The following AMOTL1 variants were observed in gnomAD, a reference collection of about 807,000 sequenced individuals.
The protein encoded by AMOTL1 is angiomotin-like protein 1.
Under a neutral mutation model 102.9 loss-of-function variants are expected in AMOTL1, and 45 were observed. That is an observed-to-expected ratio of 0.44 (90% confidence interval 0.34 to 0.56). The LOEUF is 0.56. AMOTL1 is among the 20% of genes least tolerant of loss of function. The pLI is 0.01. For synonymous variants in AMOTL1, 481 were observed against 484.7 expected (o/e 0.99, Z 0.10); for missense variants, 1,114 against 1,225.6 (o/e 0.91, Z 1.36).
intron 1 of AMOTL1, among the ~76,000 whole-genome samples, chr11:94,716,827 A>G (rs1288221309): frequency 6.6e-6 from 1 of 152,110 alleles, no homozygotes; most frequent in East Asian, 1.9e-4. Context: ...GACACTGAAG[A>G]GAGTGCGGCT....
chr11:94,765,791 C>G (rs1162923163), upstream of AMOTL1, among the ~76,000 whole-genome samples: 1 of 152,154 alleles, frequency 6.6e-6, no homozygotes, highest in Non-Finnish European at 1.5e-5. Context: ...TCCTCTTCTC[C>G]CTCCTTCTTT....
rs1317169558 is a variant in AMOTL1, at chr11:94,873,504, T to A, written c.*2709T>A. 6.6e-6 allele frequency: 1 copy of A among 152,250 alleles called. No individual in the cohort carries two copies. The highest frequency in any genetic ancestry group is 1.9e-4 in the East Asian group (1 of 5,206). The allele number at this position is 152,250 out of a possible 1,614,324, so 9.4% of individuals were successfully genotyped here. On this transcript the variant is annotated 3_prime_UTR_variant, in exon 13 of 13. Transcript: ENST00000433060. ...CAACTATATTTTCTAGTGTCAACTG[T>A]ATGCAAACAGTGTGGTAAATACCTT...
chr11:94,819,677 C>T (rs1293407586), intron 3 of AMOTL1, among the ~76,000 whole-genome samples: 1 of 152,150 alleles, frequency 6.6e-6, no homozygotes, highest in Non-Finnish European at 1.5e-5. Context: ...CTCATGTCTC[C>T]CTAACGTGTA....
intron 2 of AMOTL1, among the ~76,000 whole-genome samples, chr11:94,729,817 T>C (rs1236825035): frequency 6.6e-6 from 1 of 152,136 alleles, no homozygotes; most frequent in African/African-American, 2.4e-5. Context: ...TATTATTGAG[T>C]ATCTATTTTA....
intron 3 of AMOTL1, among the ~76,000 whole-genome samples, chr11:94,760,820 A>T (rs566792929): frequency 1.3e-5 from 2 of 152,144 alleles, no homozygotes; most frequent in African/African-American, 4.8e-5. Flanking sequence ...GTAATCAATA[A>T]TTTTTTTTGA....
At chr11:94,766,449 A>C (rs571808065), upstream of AMOTL1, among the ~76,000 whole-genome samples, 120 of 152,332 alleles carry the variant, frequency 7.9e-4, no homozygotes, top group Non-Finnish European at 1.4e-3. Flanking sequence ...GTGGAGCTGC[A>C]ACTCAGCTCA....
rs1321629996 is a variant in AMOTL1 at position 94,874,585 on chromosome 11, G to A, written c.*3790G>A. ...ATTCAGTGCTTCTGTTACTCAGGAAGGAGGTGTTCAGAATGCCCCGTGCAG... is the reference window on the plus strand; with the variant it reads ...ATTCAGTGCTTCTGTTACTCAGGAAAGAGGTGTTCAGAATGCCCCGTGCAG... On this transcript the variant is annotated 3_prime_UTR_variant, in exon 13 of 13. Transcript: ENST00000433060. The A allele has an allele frequency of 6.6e-6, 1 of 152,238 alleles. No individual in the cohort carries two copies. Among genetic ancestry groups the A allele is most frequent in the Non-Finnish European group, 1.5e-5 (1 of 68,050 alleles). 9.4% of individuals were successfully genotyped at this position (152,238 alleles called of 1,614,324 possible). A position where few individuals can be genotyped will look rare whatever the true frequency, so the allele number is the denominator to read the frequency against.
intron 6 of AMOTL1, among the ~76,000 whole-genome samples, chr11:94,849,320 A>G (rs1952482606): frequency 6.6e-6 from 1 of 152,248 alleles, no homozygotes; most frequent in Admixed American, 6.5e-5. Context: ...TTTAAAAAAC[A>G]GCATATTGCT....
At chr11:94,711,301 C>T (rs1267407806) in intron 1 of AMOTL1, among the ~76,000 whole-genome samples, 1 of 152,080 alleles carries the variant, frequency 6.6e-6, no homozygotes, top group East Asian at 1.9e-4. Context: ...TTTTAAAAAA[C>T]ATTATGAAAT....
intron 1 of AMOTL1, among the ~76,000 whole-genome samples, chr11:94,706,786 C>G (rs552762511): frequency 6.6e-6 from 1 of 152,262 alleles, no homozygotes; most frequent in African/African-American, 2.4e-5. Context: ...GCGAAGTCAG[C>G]TTTGAGCTGC....
chr11:94,827,636 G>A (rs1262160836), intron 4 of AMOTL1, among the ~76,000 whole-genome samples: 2 of 152,186 alleles, frequency 1.3e-5, no homozygotes, highest in Non-Finnish European at 2.9e-5. Flanking sequence ...TTGTTGAAAT[G>A]AGGGGACCAC....
intron 2 of AMOTL1, among the ~76,000 whole-genome samples, chr11:94,739,334 G>A (rs1166523571): frequency 6.6e-6 from 1 of 152,170 alleles, no homozygotes; most frequent in African/African-American, 2.4e-5. Flanking sequence ...GGATTTGGGA[G>A]CTCAGATTAT....
At chr11:94,866,239 A>T in intron 11 of AMOTL1, 71 bp downstream of exon 11, 1 of 1,455,578 alleles carries the variant, frequency 6.9e-7, no homozygotes, top group Non-Finnish European at 9.5e-7. Flanking sequence ...CACTCATGGG[A>T]CACGGAAATG....
At chr11:94,709,245 A>G (rs1485927467) in intron 1 of AMOTL1, among the ~76,000 whole-genome samples, 1 of 152,210 alleles carries the variant, frequency 6.6e-6, no homozygotes, top group African/African-American at 2.4e-5. Context: ...ACATTCTGGG[A>G]CAACCATTGC....
intron 6 of AMOTL1, among the ~76,000 whole-genome samples, chr11:94,844,988 G>A (rs1357265853): frequency 6.6e-6 from 1 of 152,212 alleles, no homozygotes; most frequent in Non-Finnish European, 1.5e-5. Context: ...TATGTAGGAA[G>A]TGCTGGCTTA....
chr11:94,752,441 G>A (rs531249826), intron 3 of AMOTL1, among the ~76,000 whole-genome samples: 13 of 152,188 alleles, frequency 8.5e-5, no homozygotes, highest in Admixed American at 5.2e-4. Context: ...CATGTTCAGG[G>A]ATGGTTTGCT....
chr11:94,787,398 G>C (rs1951207549), intron 1 of AMOTL1, among the ~76,000 whole-genome samples: 1 of 152,028 alleles, frequency 6.6e-6, no homozygotes, highest in South Asian at 2.1e-4. Flanking sequence ...TATAATTCCA[G>C]GCAGATAGTG....
At chr11:94,806,198 C>T (rs992925828) in intron 3 of AMOTL1, among the ~76,000 whole-genome samples, 3 of 152,186 alleles carry the variant, frequency 2.0e-5, no homozygotes, top group African/African-American at 7.2e-5. Context: ...CTCAGGGAAC[C>T]CTGTCAGCCC....
At chr11:94,797,829 A>G (rs1333143187) in intron 2 of AMOTL1, among the ~76,000 whole-genome samples, 1 of 152,226 alleles carries the variant, frequency 6.6e-6, no homozygotes, top group African/African-American at 2.4e-5. Context: ...GCAGCATGAA[A>G]TGTTGTTGGA....
Sources: gnomAD v4.1 joint callset for allele counts (sites outside exome capture counted in the v4.1 genomes callset) on GRCh38, gnomAD v4.1.1 for gene constraint, MANE v1.5 for transcripts, NCBI Gene and HGNC (gene_info 2026-07-23, HGNC 2026-07-21) for gene names.